Variants in SMARCD3 observed in about 807,000 individuals in gnomAD.
SMARCD3 encodes the protein SWI/SNF related BAF chromatin remodeling complex subunit D3.
In SMARCD3, 14 loss-of-function variants were observed where a neutral mutation model predicts 58.0. That is an observed-to-expected ratio of 0.24 (90% CI 0.16 to 0.38). SMARCD3 has a LOEUF of 0.38. Among genes scored for constraint, SMARCD3 ranks in the 10% least tolerant of loss-of-function variants. The pLI is 1.00. For missense variants in SMARCD3, 408 were observed against 636.9 expected, an observed-to-expected ratio of 0.64 and a Z score of 3.87; for synonymous variants, 253 against 253.8, an observed-to-expected ratio of 1.00 and a Z score of 0.03.
Position 151,243,628 on chromosome 7 carries a change from TG to T in SMARCD3, c.333+30del. 9.1e-7 allele frequency: 1 copy of T among 1,096,830 alleles called. No individual in the cohort carries two copies. Among genetic ancestry groups the T allele is most frequent in the Non-Finnish European group, 1.4e-6 (1 of 737,676 alleles). The allele number at this position is 1,096,830 out of a possible 1,614,324, so 67.9% of individuals were successfully genotyped here. The stretch of plus-strand genomic sequence containing the variant: ...GGGCGGAGCAGCAAAGGGTGGGGGG[TG>T]GGCTGGGGGCTGCTGTGAAAGGCAC... On this transcript the variant is annotated intron_variant, in intron 3 of 12. Transcript: ENST00000262188. The surrounding 1 kb of genome is among the most constrained non-coding windows in gnomAD (Gnocchi z 4.4).
Position 151,245,670 on chromosome 7 carries a change from C to A in SMARCD3, c.80G>T (p.Arg27Leu). 1.3e-6 allele frequency: 1 copy of A among 748,344 alleles called. No individual in the cohort carries two copies. The highest frequency in any genetic ancestry group is 1.8e-6 in the Non-Finnish European group (1 of 569,814). 46.4% of individuals were successfully genotyped at this position (748,344 alleles called of 1,614,324 possible). The change falls in exon 2 of 13, where the codon CGC (arginine) becomes CTC (leucine). Residue 27 changes from arginine (R) to leucine (L), a missense_variant and splice_region_variant. By Grantham distance (102) the Arg-to-Leu change is moderately radical. This residue lies in a region of SMARCD3 where 84 missense variants were observed against 81.2 expected (regional missense o/e 1.03). Transcript: ENST00000262188. The surrounding 1 kb of genome is among the most constrained non-coding windows in gnomAD (Gnocchi z 6.2). ...KLFEFLVHGV[R>L]PGMPSGARMP... ...CCGGGCTCCAGACGGCATCCCGGGG[C>A]GCTGGGGGTGGGCGGGGGTGAAGCA...
In SMARCD3 at chr7:151,271,103, A is replaced by G. The variant is rs142496080; in HGVS notation, c.39+4011T>C. ...ACAAGGAAACATGTACTGTATTCCC[A>G]GGAGAGGAGATACTGGAATGACCCT... is the stretch of plus-strand genomic sequence containing the variant. On this transcript the variant is annotated intron_variant, in intron 2 of 13. Transcript: ENST00000356800. Among the ~76,000 whole-genome samples, 234 of 152,214 alleles carry G rather than the reference A, an allele frequency of 1.5e-3. 1 individual carries two copies. Among genetic ancestry groups the G allele is most frequent in the African/African-American group, 5.3e-3 (221 of 41,534 alleles).
chr7:151,263,104 C>A (rs150195522), intron 2 of SMARCD3, among the ~76,000 whole-genome samples: 1 of 152,106 alleles, frequency 6.6e-6, no homozygotes, highest in African/African-American at 2.4e-5. Flanking sequence ...CCTAAGGAAG[C>A]AAAGTGACTG....
chr7:151,241,466 A>G lies in SMARCD3; in HGVS notation c.939+26T>C. Reference sequence around the variant, plus strand: ...CTGGAGAACTCCGCCTGCTCCCCAGATCCCAGGGTTCAGGAGAGAGGTTAC... The same window carrying G: ...CTGGAGAACTCCGCCTGCTCCCCAGGTCCCAGGGTTCAGGAGAGAGGTTAC... On this transcript the variant is annotated intron_variant, in intron 8 of 12. Transcript: ENST00000262188. This position sits in a 1 kb window ranked among gnomAD's most constrained non-coding sequence, Gnocchi z 5.3. 6.2e-7 allele frequency: 1 copy of G among 1,604,746 alleles called. No homozygotes were observed. Among genetic ancestry groups the G allele is most frequent in the Non-Finnish European group, 8.5e-7 (1 of 1,174,804 alleles).
intron 1 of SMARCD3, among the ~76,000 whole-genome samples, chr7:151,275,889 T>A (rs952444878): frequency 6.6e-6 from 1 of 152,066 alleles, no homozygotes; most frequent in Non-Finnish European, 1.5e-5. Context: ...AAGAGAGCAG[T>A]GCTGTAGGAG....
chr7:151,240,358 G>A, intron 9 of SMARCD3, 67 bp downstream of exon 9: 1 of 1,586,512 alleles, frequency 6.3e-7, no homozygotes, highest in Non-Finnish European at 8.6e-7. Context: ...TGGGAGGAGA[G>A]GGAGGGGCAG....
intron 1 of SMARCD3, among the ~76,000 whole-genome samples, chr7:151,247,606 T>C (rs757360929): frequency 2.6e-5 from 4 of 152,034 alleles, no homozygotes; most frequent in Non-Finnish European, 5.9e-5. Flanking sequence ...AATTTGGCCA[T>C]AGTAAACCCG....
At chr7:151,253,455 T>C (rs1803594486), upstream of SMARCD3, among the ~76,000 whole-genome samples, 1 of 152,152 alleles carries the variant, frequency 6.6e-6, no homozygotes, top group Non-Finnish European at 1.5e-5. Flanking sequence ...GGCAGGTGCA[T>C]GCGAAGGTTA....
At chr7:151,250,596 C>T (rs527744424), upstream of SMARCD3, among the ~76,000 whole-genome samples, 1 of 151,964 alleles carries the variant, frequency 6.6e-6, no homozygotes, top group Admixed American at 6.5e-5. Flanking sequence ...CCAGGCCCCA[C>T]TTCCTCCAGG....
intron 2 of SMARCD3, among the ~76,000 whole-genome samples, chr7:151,256,216 C>T (rs1803693917): frequency 7.0e-6 from 1 of 143,198 alleles, no homozygotes; most frequent in African/African-American, 2.6e-5. Flanking sequence ...GAGTGTCGCC[C>T]TGTTGCCCAG....
chr7:151,259,600 A>AG (rs1803838437), intron 2 of SMARCD3, among the ~76,000 whole-genome samples: 1 of 67,918 alleles, frequency 1.5e-5, no homozygotes, highest in Non-Finnish European at 2.8e-5. Context: ...ACAACCTGAG[A>AG]GTTTTTTTTT....
At chr7:151,262,361 C>T (rs1584891674) in intron 2 of SMARCD3, among the ~76,000 whole-genome samples, 1 of 152,174 alleles carries the variant, frequency 6.6e-6, no homozygotes, top group East Asian at 1.9e-4. Context: ...GGATTACAGG[C>T]GTGAGCCACC....
intron 2 of SMARCD3, among the ~76,000 whole-genome samples, chr7:151,257,475 C>T (rs10215686): frequency 0.011 from 1,666 of 152,196 alleles, 25 homozygotes; most frequent in African/African-American, 0.033. Context: ...TACAGGCACC[C>T]GCCACCACAC....
chr7:151,262,599 T>A (rs1803953140), intron 2 of SMARCD3, among the ~76,000 whole-genome samples: 1 of 152,216 alleles, frequency 6.6e-6, no homozygotes, highest in South Asian at 2.1e-4. Context: ...GCCTTTGCCC[T>A]TGAGACCTGG....
upstream of SMARCD3, among the ~76,000 whole-genome samples, chr7:151,251,739 C>G (rs1803518968): frequency 6.6e-6 from 1 of 151,924 alleles, no homozygotes; most frequent in African/African-American, 2.4e-5. Context: ...CCCGGCGCCG[C>G]AGTCCCCCCT....
chr7:151,271,947 A>C (rs1363825780), intron 2 of SMARCD3, among the ~76,000 whole-genome samples: 6 of 152,206 alleles, frequency 3.9e-5, no homozygotes. Context: ...CAACAGCGTG[A>C]GACTCTGTCT....
At chr7:151,275,333 A>G in intron 1 of SMARCD3, 2 of 631,202 alleles carry the variant, frequency 3.2e-6, no homozygotes, top group East Asian at 2.8e-5. Flanking sequence ...AACTCCCCGG[A>G]GTGGAGGTCT....
At chr7:151,264,058 A>AG (rs1804005452) in intron 2 of SMARCD3, among the ~76,000 whole-genome samples, 1 of 135,516 alleles carries the variant, frequency 7.4e-6, no homozygotes, top group South Asian at 2.3e-4. Flanking sequence ...TGAAGACAGG[A>AG]TTTTTTTTTT....
At chr7:151,270,558 C>G (rs886357454) in intron 2 of SMARCD3, among the ~76,000 whole-genome samples, 1 of 152,172 alleles carries the variant, frequency 6.6e-6, no homozygotes, top group Non-Finnish European at 1.5e-5. Flanking sequence ...TGGGCCTTCA[C>G]GCCCAAGCCG....
Sources: gnomAD v4.1 joint callset for allele counts (sites outside exome capture counted in the v4.1 genomes callset) on GRCh38, gnomAD v4.1.1 for gene constraint, gnomAD v4.1.1 regional missense constraint, Gnocchi (gnomAD v3.1) non-coding constraint, MANE v1.5 for transcripts, NCBI Gene and HGNC (gene_info 2026-07-23, HGNC 2026-07-21) for gene names.